Variants in MAML2 observed in about 807,000 individuals in gnomAD.
MAML2 encodes mastermind like transcriptional coactivator 2.
In MAML2, 22 loss-of-function variants were observed where a neutral mutation model predicts 96.1. That is an observed-to-expected ratio of 0.23 (90% CI 0.16 to 0.33). The LOEUF (loss-of-function observed/expected upper bound fraction) is 0.33. Ranked by LOEUF, MAML2 falls within the 10% of genes least tolerant of loss-of-function variation. MAML2 has a pLI of 1.00. For synonymous variants in MAML2, 561 were observed against 521.3 expected (o/e 1.08, Z -1.04); for missense variants, 1,367 against 1,392.4 (o/e 0.98, Z 0.29).
At chr11:96,124,431 T>C (rs1427745344) in intron 1 of MAML2, among the ~76,000 whole-genome samples, 1 of 152,152 alleles carries the variant, frequency 6.6e-6, no homozygotes, top group East Asian at 1.9e-4. Context: ...AGAAGAAGAA[T>C]AGAAAGATAG....
chr11:96,322,566 C>T (rs939511176), intron 1 of MAML2, among the ~76,000 whole-genome samples: 12 of 151,958 alleles, frequency 7.9e-5, no homozygotes, highest in Non-Finnish European at 1.6e-4. Context: ...GTGGCGGGCG[C>T]CTGTATTCCC....
chr11:96,216,854 G>A (rs1356581593), intron 1 of MAML2, among the ~76,000 whole-genome samples: 1 of 152,218 alleles, frequency 6.6e-6, no homozygotes, highest in Non-Finnish European at 1.5e-5. Flanking sequence ...GGGAGTAGAA[G>A]TCAGGGTGAC....
intron 1 of MAML2, among the ~76,000 whole-genome samples, chr11:96,318,858 G>A (rs1863665775): frequency 6.6e-6 from 1 of 152,168 alleles, no homozygotes; most frequent in Non-Finnish European, 1.5e-5. Flanking sequence ...CAACACAGAA[G>A]AGGACATGGT....
intron 2 of MAML2, among the ~76,000 whole-genome samples, chr11:96,073,964 C>T (rs371023895): frequency 2.6e-5 from 4 of 152,022 alleles, no homozygotes; most frequent in South Asian, 4.2e-4. Context: ...TTTACCAAAC[C>T]GTTAAATTTA....
At chr11:96,095,886 T>C (rs1859818366) in intron 1 of MAML2, among the ~76,000 whole-genome samples, 1 of 152,146 alleles carries the variant, frequency 6.6e-6, no homozygotes, top group African/African-American at 2.4e-5. Flanking sequence ...TCTCCCCACA[T>C]CTCTGCTGTC....
At chr11:96,247,927 G>A (rs1236188347) in intron 1 of MAML2, among the ~76,000 whole-genome samples, 1 of 152,010 alleles carries the variant, frequency 6.6e-6, no homozygotes, top group Non-Finnish European at 1.5e-5. Context: ...CAATATGATA[G>A]TCCCTACTGT....
At chr11:96,056,511 T>C (rs1859072778) in intron 2 of MAML2, among the ~76,000 whole-genome samples, 2 of 152,166 alleles carry the variant, frequency 1.3e-5, no homozygotes, top group Admixed American at 1.3e-4. Context: ...TGTAGCATCA[T>C]GCACATTCAT....
chr11:96,046,484 T>C (rs1042421980), intron 2 of MAML2, among the ~76,000 whole-genome samples: 5 of 152,176 alleles, frequency 3.3e-5, no homozygotes, highest in African/African-American at 1.2e-4. Flanking sequence ...TCAGATACTG[T>C]AAGATACGAG....
chr11:96,093,948 AAAC>A (rs1859783209), intron 1 of MAML2, among the ~76,000 whole-genome samples: 2 of 151,918 alleles, frequency 1.3e-5, no homozygotes, highest in South Asian at 4.2e-4. Context: ...GCAAGATAGA[AAAC>A]ACTCACAAGT....
chr11:96,222,313 A>G (rs974238034), intron 1 of MAML2, among the ~76,000 whole-genome samples: 1 of 152,216 alleles, frequency 6.6e-6, no homozygotes, highest in African/African-American at 2.4e-5. Flanking sequence ...GGCGCTCAGC[A>G]CTGCACAGCA....
At chr11:96,100,832 ACCT>A (rs960223866) in intron 1 of MAML2, among the ~76,000 whole-genome samples, 1 of 150,914 alleles carries the variant, frequency 6.6e-6, no homozygotes, top group African/African-American at 2.4e-5. Context: ...TGCAGCCTCA[ACCT>A]CCCAGGCTTA....
chr11:96,016,737 A>G (rs1165382431), intron 2 of MAML2, among the ~76,000 whole-genome samples: 1 of 152,182 alleles, frequency 6.6e-6, no homozygotes, highest in Non-Finnish European at 1.5e-5. Flanking sequence ...GACTTTAGGG[A>G]CATTAAAAAA....
Position 96,341,640 on chromosome 11 carries a change from C to T in MAML2, c.256G>A (p.Ala86Thr), listed in dbSNP as rs1226491746. The stretch of plus-strand genomic sequence containing the variant: ...TTGGTGTGTTTGCCAGCTTTCCTTG[C>T]CCCCTGGCCATGCTGTACAAGGCTC... ...LLSLVQHGQG[A>T]RKAGKHTKAT... Residue 86 changes from alanine to threonine, a missense_variant, in exon 1 of 5, where the codon GCA becomes ACA. Ala to Thr is a moderately conservative substitution (Grantham distance 58). Coordinates refer to ENST00000524717, the MANE Select transcript of MAML2 (RefSeq NM_032427.4). 6.4e-7 allele frequency: 1 copy of T among 1,557,546 alleles called. No individual in the cohort carries two copies. The highest frequency in any genetic ancestry group is 1.4e-5 in the African/African-American group (1 of 73,434).
At chr11:96,266,463 C>T (rs185611605) in intron 1 of MAML2, among the ~76,000 whole-genome samples, 249 of 151,740 alleles carry the variant, frequency 1.6e-3, no homozygotes, top group Non-Finnish European at 2.7e-3. Flanking sequence ...CCCAGCTACT[C>T]GGGAGGCTGA....
rs185839302 is a variant in MAML2, at chr11:96,194,091, C to T, written c.514-100574G>A. Among the ~76,000 whole-genome samples, 138 of 152,220 alleles carry T rather than the reference C, an allele frequency of 9.1e-4. 1 individual carries two copies. The Middle Eastern group carries it at 0.01, about 11-fold the overall frequency. The stretch of plus-strand genomic sequence containing the variant: ...CAAATGGTAAACGATCTAGAACTGG[C>T]CTCAAAATAAGAAACAAAAAATTAT... On this transcript the variant is annotated intron_variant, in intron 1 of 4. Transcript: ENST00000524717.
At position 95,976,806 on chromosome 11, in the gene MAML2, A is replaced by G. The variant is rs1265368195; in HGVS notation, c.*2142T>C. The G allele has an allele frequency of 1.1e-5, 2 of 185,406 alleles. No homozygotes were observed. Among genetic ancestry groups the G allele is most frequent in the Non-Finnish European group, 2.3e-5 (2 of 87,592 alleles). 11.5% of individuals were successfully genotyped at this position (185,406 alleles called of 1,614,324 possible). ...GGAAGTGCTGGCAGATATATACAGT[A>G]ACATGGAGGAGCCATACAACAAAAG... is the stretch of plus-strand genomic sequence containing the variant. On this transcript the variant is annotated 3_prime_UTR_variant, in exon 5 of 5. Transcript: ENST00000524717.
intron 1 of MAML2, among the ~76,000 whole-genome samples, chr11:96,145,625 CTTG>C (rs1390414464): frequency 2.0e-5 from 3 of 152,238 alleles, no homozygotes; most frequent in East Asian, 3.9e-4. Flanking sequence ...TAACCTGTTA[CTTG>C]TTGTGTTAAA....
At chr11:96,289,325 C>T (rs502822) in intron 1 of MAML2, among the ~76,000 whole-genome samples, 39,716 of 151,958 alleles carry the variant, frequency 0.26, 5,321 homozygotes, top group East Asian at 0.32. Context: ...TATAATTATC[C>T]GGATTACAAA....
chr11:96,036,474 A>T (rs1383029947), intron 2 of MAML2, among the ~76,000 whole-genome samples: 1 of 152,206 alleles, frequency 6.6e-6, no homozygotes, highest in African/African-American at 2.4e-5. Context: ...CCCCTGGAAC[A>T]GGTCTGGTCA....
Sources: allele counts gnomAD v4.1 joint callset (sites outside exome capture counted in the v4.1 genomes callset), GRCh38; gene constraint gnomAD v4.1.1; transcripts MANE v1.5; gene names NCBI Gene and HGNC (gene_info 2026-07-23, HGNC 2026-07-21).